The following PRRC2B variants were observed in gnomAD, a reference collection of about 807,000 sequenced individuals.
The protein encoded by PRRC2B is protein PRRC2B.
A neutral mutation model predicts 242.3 loss-of-function variants in PRRC2B; 68 were observed. That is an observed-to-expected ratio of 0.28 (90% CI 0.23 to 0.34). PRRC2B has a LOEUF of 0.34. PRRC2B is among the 10% of genes least tolerant of loss of function. The pLI is 1.00. For synonymous variants in PRRC2B, 1,228 were observed against 1,173.6 expected, an observed-to-expected ratio of 1.05 and a Z score of -0.95; for missense variants, 2,835 against 2,954.8, an observed-to-expected ratio of 0.96 and a Z score of 0.94.
chr9:131,468,364 C>T (rs911397666), intron 13 of PRRC2B, among the ~76,000 whole-genome samples: 1 of 152,194 alleles, frequency 6.6e-6, no homozygotes, highest in Admixed American at 6.5e-5. Context: ...GAATGAATAC[C>T]TGCCTTTCAG....
chr9:131,415,488 T>A (rs986296358), intron 1 of PRRC2B, among the ~76,000 whole-genome samples: 1 of 152,200 alleles, frequency 6.6e-6, no homozygotes, highest in Non-Finnish European at 1.5e-5. Flanking sequence ...AAGGGAGAAT[T>A]AACTGCTGGG....
intron 1 of PRRC2B, among the ~76,000 whole-genome samples, chr9:131,422,535 G>A (rs561855167): frequency 1.3e-5 from 2 of 152,354 alleles, no homozygotes; most frequent in African/African-American, 4.8e-5. Context: ...AGCCGTAGTG[G>A]TTCCTGGTGA....
rs1452850800 is a variant in PRRC2B, at chr9:131,498,088, C to G, written c.*2214C>G. 1 of 152,180 alleles carries G rather than the reference C, an allele frequency of 6.6e-6. No individual in the cohort carries two copies. The highest frequency in any genetic ancestry group is 6.5e-5 in the Admixed American group (1 of 15,282). The allele number at this position is 152,180 out of a possible 1,614,324, so 9.4% of individuals were successfully genotyped here. On this transcript the variant is annotated 3_prime_UTR_variant, in exon 32 of 32. Coordinates refer to ENST00000683519, the MANE Select transcript of PRRC2B (RefSeq NM_013318.4). ...CTGGATGCTGTTAAGATGTACCCTTCAGGTGAACCTGGTATCAGACCCACA... is the reference window on the plus strand; with the variant it reads ...CTGGATGCTGTTAAGATGTACCCTTGAGGTGAACCTGGTATCAGACCCACA...
At chr9:131,407,969 G>C (rs891388268) in intron 1 of PRRC2B, among the ~76,000 whole-genome samples, 1 of 152,196 alleles carries the variant, frequency 6.6e-6, no homozygotes, top group Admixed American at 6.5e-5. Flanking sequence ...TCCTCACCGG[G>C]GTAACGGGAG....
At position 131,420,453 on chromosome 9, in the gene PRRC2B, T is replaced by TTTC. The variant is rs1564278457; in HGVS notation, c.-51-9639_-51-9638insCTT. On this transcript the variant is annotated intron_variant, in intron 1 of 31. Coordinates refer to ENST00000683519, the MANE Select transcript of PRRC2B (RefSeq NM_013318.4). The stretch of plus-strand genomic sequence containing the variant: ...TTTTCTTTTTTCTTTTTCTTTTTCT[T>TTTC]TTTCTTTCTTTCTTTCTTTCTTTCT... Among the ~76,000 whole-genome samples, 148 of 61,054 alleles carry TTTC rather than the reference T, an allele frequency of 2.4e-3. 9 individuals are homozygous for TTTC. Among genetic ancestry groups the TTTC allele is most frequent in the East Asian group, 0.022 (38 of 1,690 alleles). 40.1% of individuals were successfully genotyped at this position (61,054 alleles called of 152,430 possible). A position where few individuals can be genotyped will look rare whatever the true frequency, so the allele number is the denominator to read the frequency against.
rs570710103 is a variant in PRRC2B, at chr9:131,386,110, CTGTT to C, written c.-56+12389_-56+12392del. Among the ~76,000 whole-genome samples the C allele has an allele frequency of 2.0e-3, 293 of 148,134 alleles. 4 individuals are homozygous for C. The highest frequency in any genetic ancestry group is 0.011 in the Middle Eastern group (3 of 268). On this transcript the variant is annotated intron_variant, in intron 1 of 1. Coordinates refer to the PRRC2B transcript ENST00000682525. ...GTTTTACGGGGCAAGTGAAGGATCT[CTGTT>C]TGTTTGTTTTTTTTAAGAGATAGGG...
chr9:131,386,409 G>GCCT lies in PRRC2B; in HGVS notation c.-56+12679_-56+12681dup, dbSNP rs1299752845. ...CGTGATTATAGGTGTGAGCCACTGCGCCTGGCCTATGCCTGTGGCTTTTTA... is the reference window on the plus strand; with the variant it reads ...CGTGATTATAGGTGTGAGCCACTGCGCCTCCTGGCCTATGCCTGTGGCTTTTTA... On this transcript the variant is annotated intron_variant, in intron 1 of 1. Transcript: ENST00000682525. 5.3e-5 allele frequency among the ~76,000 whole-genome samples: 8 copies of GCCT among 150,396 alleles called. No individual in the cohort carries two copies. The East Asian group carries it at 1.6e-3, about 30-fold the overall frequency.
At chr9:131,419,542 A>G (rs996193199) in intron 1 of PRRC2B, among the ~76,000 whole-genome samples, 3 of 152,150 alleles carry the variant, frequency 2.0e-5, no homozygotes, top group African/African-American at 4.8e-5. Context: ...TCAAAAGCTG[A>G]TAATTGGGTG....
chr9:131,461,776 C>T (rs1015807083), intron 11 of PRRC2B, among the ~76,000 whole-genome samples: 11 of 152,218 alleles, frequency 7.2e-5, no homozygotes, highest in African/African-American at 2.4e-4. Flanking sequence ...ATCTACCCAC[C>T]TTGGCCTCCC....
chr9:131,436,207 T>A (rs941694170), intron 3 of PRRC2B, among the ~76,000 whole-genome samples: 22 of 152,060 alleles, frequency 1.4e-4, no homozygotes, highest in Non-Finnish European at 2.8e-4. Flanking sequence ...GTTTCATTTT[T>A]AAAAAAGAAA....
chr9:131,424,454 A>G (rs1324052377), intron 1 of PRRC2B, among the ~76,000 whole-genome samples: 2 of 152,150 alleles, frequency 1.3e-5, no homozygotes, highest in Admixed American at 6.5e-5. Flanking sequence ...CAGGAGGCCA[A>G]GGTGGGCGGA....
chr9:131,419,431 T>A (rs1406419324), intron 1 of PRRC2B, among the ~76,000 whole-genome samples: 1 of 151,770 alleles, frequency 6.6e-6, no homozygotes, highest in Non-Finnish European at 1.5e-5. Context: ...CAGGAGGAGG[T>A]AGAAGCACAG....
intron 1 of PRRC2B, among the ~76,000 whole-genome samples, chr9:131,406,492 C>G (rs1216531793): frequency 6.6e-6 from 1 of 152,130 alleles, no homozygotes; most frequent in African/African-American, 2.4e-5. Flanking sequence ...TGCAGCTGGG[C>G]CAGCAACAGC....
rs566898074 is a variant in PRRC2B at position 131,442,415 on chromosome 9, C to T, written c.470-1770C>T. Among the ~76,000 whole-genome samples, 8 of 152,208 alleles carry T rather than the reference C, an allele frequency of 5.3e-5. No homozygotes were observed. In the East Asian group the frequency reaches 1.4e-3, roughly 26 times the overall value. On this transcript the variant is annotated intron_variant, in intron 5 of 31. Coordinates refer to ENST00000683519, the MANE Select transcript of PRRC2B (RefSeq NM_013318.4). ...CCAGTGACCTTCTACCATAATGAAG[C>T]GACTCTGAGTCAGAGCCCCCTTCAC...
intron 1 of PRRC2B, among the ~76,000 whole-genome samples, chr9:131,405,397 T>G (rs943804923): frequency 1.3e-5 from 2 of 152,184 alleles, no homozygotes; most frequent in African/African-American, 4.8e-5. Flanking sequence ...GGCCTCCATT[T>G]TAAGTTTTCT....
chr9:131,483,441 G>A lies in PRRC2B; in HGVS notation c.5456G>A (p.Ser1819Asn), dbSNP rs776481445. ...GTTAAACTTCAGGATGCCTTGGCCA[G>A]TAATGTAAGTCCACACTTCCACTTT... is the stretch of plus-strand genomic sequence containing the variant. ...PVVKLQDALA[S>N]NAGLTQSIPI... Residue 1819 changes from serine (S) to asparagine (N), a missense_variant, in exon 23 of 32, where the codon AGT becomes AAT. Around this residue, in one of 7 missense-constraint regions of PRRC2B, gnomAD observed 574 missense variants for 626.0 expected, o/e 0.92. Transcript: ENST00000683519. 3.7e-6 allele frequency: 6 copies of A among 1,613,746 alleles called. No homozygotes were observed. Among genetic ancestry groups the A allele is most frequent in the East Asian group, 2.2e-5 (1 of 44,882 alleles).
chr9:131,468,802 T>A (rs1363103980), intron 13 of PRRC2B, among the ~76,000 whole-genome samples: 3 of 152,204 alleles, frequency 2.0e-5, no homozygotes, highest in Admixed American at 6.5e-5. Flanking sequence ...CTTAATTACC[T>A]TTAAACTTCT....
At chr9:131,413,902 C>G (rs1172964314) in intron 1 of PRRC2B, among the ~76,000 whole-genome samples, 1 of 152,048 alleles carries the variant, frequency 6.6e-6, no homozygotes, top group Non-Finnish European at 1.5e-5. Flanking sequence ...GATCTCCTGA[C>G]CTCATGATCC....
At position 131,487,292 on chromosome 9, in the gene PRRC2B, C is replaced by T. The variant is rs756555050; in HGVS notation, c.5982C>T (p.Phe1994=). The stretch of plus-strand genomic sequence containing the variant: ...AGATCTTCAGCTCCTTGCAGCCCTT[C>T]AGGTGAGCTCATGTACCAGCTTGCG... ...SQEIFSSLQP[F]RSQVYMHPSL... is the part of the protein sequence containing the mutation. Residue 1994 remains phenylalanine (F), a splice_region_variant and synonymous_variant, in exon 27 of 32, where the codon TTC becomes TTT. Transcript: ENST00000683519. This position sits in a 1 kb window ranked among gnomAD's most constrained non-coding sequence, Gnocchi z 5.3. The T allele has an allele frequency of 2.5e-6, 4 of 1,604,566 alleles. No individual in the cohort carries two copies. The South Asian group carries it at 3.3e-5, about 13-fold the overall frequency.
Sources: gnomAD v4.1 joint callset for allele counts (sites outside exome capture counted in the v4.1 genomes callset) on GRCh38, gnomAD v4.1.1 for gene constraint, gnomAD v4.1.1 regional missense constraint, Gnocchi (gnomAD v3.1) non-coding constraint, MANE v1.5 for transcripts, NCBI Gene and HGNC (gene_info 2026-07-23, HGNC 2026-07-21) for gene names.